CLTCL1: variants seen among roughly 807,000 people sequenced by gnomAD.
CLTCL1 encodes the protein clathrin heavy chain like 1.
CLTCL1 carries 159 observed loss-of-function variants against 190.0 expected under a neutral mutation model. That is an observed-to-expected ratio of 0.84 (90% CI 0.74 to 0.95). The LOEUF (loss-of-function observed/expected upper bound fraction) is 0.95, where lower values mean the gene tolerates loss of function less well. Among genes scored for constraint, CLTCL1 ranks in the 40% least tolerant of loss-of-function variants. The pLI is 0.00. For synonymous variants in CLTCL1, 752 were observed against 769.6 expected (o/e 0.98, Z 0.38); for missense variants, 1,878 against 2,033.4 (o/e 0.92, Z 1.47).
At chr22:19,260,433 T>C (rs1395185566) in intron 2 of CLTCL1, among the ~76,000 whole-genome samples, 1 of 148,454 alleles carries the variant, frequency 6.7e-6, no homozygotes, top group Non-Finnish European at 1.5e-5. Flanking sequence ...TAACTTTAAA[T>C]GGAAGGAATG....
intron 2 of CLTCL1, among the ~76,000 whole-genome samples, chr22:19,274,117 C>T (rs2087417666): frequency 6.6e-6 from 1 of 152,140 alleles, no homozygotes. Flanking sequence ...GCTGAAAACA[C>T]TAAACAGCAA....
chr22:19,180,131 G>A, intron 32 of CLTCL1, 68 bp downstream of exon 32: 1 of 1,391,828 alleles, frequency 7.2e-7, no homozygotes, highest in Non-Finnish European at 1.0e-6. Context: ...CAGAGGCAAG[G>A]AGCGTGGGGT....
At chr22:19,270,888 CA>C (rs2087294223) in intron 2 of CLTCL1, among the ~76,000 whole-genome samples, 2 of 152,020 alleles carry the variant, frequency 1.3e-5, no homozygotes, top group East Asian at 3.9e-4. Flanking sequence ...CCTTAGATCA[CA>C]GAGGAAATTT....
Position 19,180,745 on chromosome 22 carries a change from GCAGGCTCTGT to G in CLTCL1, c.4879_4888del (p.Thr1627ProfsTer63), listed in dbSNP as rs1288998509. The G allele has an allele frequency of 1.9e-6, 3 of 1,613,644 alleles. No homozygotes were observed. The highest frequency in any genetic ancestry group is 2.5e-6 in the Non-Finnish European group (3 of 1,179,814). ...GTGCCACCTACCAAACACGAGAGGG[GCAGGCTCTGT>G]CACATGCTCCTCTTGCTTGCGCAGA... On this transcript the variant is annotated frameshift_variant, in exon 31 of 33. Coordinates refer to ENST00000427926, the MANE Select transcript of CLTCL1 (RefSeq NM_007098.4). LOFTEE classifies it high-confidence loss of function.
At chr22:19,237,490 A>T (rs2086116654) in intron 5 of CLTCL1, among the ~76,000 whole-genome samples, 1 of 152,216 alleles carries the variant, frequency 6.6e-6, no homozygotes, top group South Asian at 2.1e-4. Context: ...TGAACTGGCC[A>T]GCATGGTCAG....
At chr22:19,270,841 C>T (rs79406723) in intron 2 of CLTCL1, among the ~76,000 whole-genome samples, 11,354 of 150,478 alleles carry the variant, frequency 0.075, 552 homozygotes, top group East Asian at 0.14. Context: ...CTTGGTGGTA[C>T]GCTGTCAGGA....
intron 24 of CLTCL1, 123 bp from the exon 25 acceptor site, chr22:19,196,779 G>T (rs1440810377): frequency 8.8e-6 from 10 of 1,136,722 alleles, no homozygotes; most frequent in Non-Finnish European, 1.2e-5. Context: ...GGAGGCATGT[G>T]TGAAGAAAAC....
At chr22:19,290,604 C>T (rs1225415494) in intron 1 of CLTCL1, among the ~76,000 whole-genome samples, 1 of 152,154 alleles carries the variant, frequency 6.6e-6, no homozygotes, top group African/African-American at 2.4e-5. Context: ...TATCAAGTTT[C>T]CAGTCTGCAG....
rs374875733 is a variant in CLTCL1, at chr22:19,230,097, G to GTTTTTTTTTTTTTT, written c.1645-123_1645-122insAAAAAAAAAAAAAA. 16 of 530,318 alleles carry GTTTTTTTTTTTTTT rather than the reference G, an allele frequency of 3.0e-5. 8 individuals are homozygous for GTTTTTTTTTTTTTT. Among genetic ancestry groups the GTTTTTTTTTTTTTT allele is most frequent in the Non-Finnish European group, 2.8e-5 (10 of 361,860 alleles). The allele number at this position is 530,318 out of a possible 1,614,324, so 32.9% of individuals were successfully genotyped here. ...AATTCAGCAATTAGTTCCCTCCCTTGGTTTTTTTTTTTTTTTTGAGATGGA... is the reference window on the plus strand; with the variant it reads ...AATTCAGCAATTAGTTCCCTCCCTTGTTTTTTTTTTTTTTGTTTTTTTTTTTTTTTTGAGATGGA... On this transcript the variant is annotated intron_variant, in intron 10 of 32. Coordinates refer to ENST00000427926, the MANE Select transcript of CLTCL1 (RefSeq NM_007098.4).
At chr22:19,247,398 C>G (rs1309417753) in intron 3 of CLTCL1, among the ~76,000 whole-genome samples, 1 of 152,162 alleles carries the variant, frequency 6.6e-6, no homozygotes, top group Non-Finnish European at 1.5e-5. Flanking sequence ...TTGGTAAATG[C>G]ATGGGATTTT....
chr22:19,251,726 G>T (rs1191382782), intron 3 of CLTCL1, among the ~76,000 whole-genome samples: 3 of 152,218 alleles, frequency 2.0e-5, no homozygotes, highest in African/African-American at 7.2e-5. Context: ...AAAGTGCTGG[G>T]ATTACAGGCG....
At chr22:19,239,943 T>A (rs975886032) in intron 4 of CLTCL1, among the ~76,000 whole-genome samples, 3 of 150,626 alleles carry the variant, frequency 2.0e-5, no homozygotes, top group African/African-American at 7.3e-5. Flanking sequence ...AACTTTCTTT[T>A]TCTTCTTTTT....
At chr22:19,221,290 C>G in intron 17 of CLTCL1, 87 bp downstream of exon 17, 1 of 996,928 alleles carries the variant, frequency 1.0e-6, no homozygotes, top group Non-Finnish European at 1.5e-6. Context: ...GCACAGAAAG[C>G]CCTGATCAGC....
intron 2 of CLTCL1, among the ~76,000 whole-genome samples, chr22:19,270,037 T>G (rs1219539276): frequency 6.6e-6 from 1 of 151,356 alleles, no homozygotes; most frequent in Non-Finnish European, 1.5e-5. Context: ...AGCAGCAATA[T>G]TCTTAATAGC....
At position 19,229,847 on chromosome 22, in the gene CLTCL1, A is replaced by G; in HGVS notation, c.1773T>C (p.His591=). Residue 591 remains histidine, a synonymous_variant, in exon 11 of 33, where the codon CAT becomes CAC. Transcript: ENST00000427926. The part of the protein sequence containing the change: ...QTWLLEMNLV[H]APQVADAILG... ...CCTACAAGTCACTGACCTGGGGTGC[A>G]TGAACAAGGTTCATCTCCAACAGCC... 7 of 1,609,178 alleles carry G rather than the reference A, an allele frequency of 4.4e-6. No individual in the cohort carries two copies. The highest frequency in any genetic ancestry group is 5.1e-6 in the Non-Finnish European group (6 of 1,178,202).
chr22:19,247,541 G>T (rs1479158011), intron 3 of CLTCL1, among the ~76,000 whole-genome samples: 1 of 151,930 alleles, frequency 6.6e-6, no homozygotes, highest in East Asian at 1.9e-4. Flanking sequence ...TTATTTTGTT[G>T]TTGTTGTTGT....
At chr22:19,251,029 A>G (rs1439544166) in intron 3 of CLTCL1, among the ~76,000 whole-genome samples, 4 of 152,154 alleles carry the variant, frequency 2.6e-5, no homozygotes, top group African/African-American at 9.7e-5. Flanking sequence ...TGGTATTCCA[A>G]TAGAGATTAT....
chr22:19,229,952 G>A lies in CLTCL1; in HGVS notation c.1668C>T (p.Asn556=), dbSNP rs782148373. 4.4e-6 allele frequency: 7 copies of A among 1,607,734 alleles called. No homozygotes were observed. The African/African-American group carries it at 9.4e-5, about 22-fold the overall frequency. Reference sequence around the variant, plus strand: ...AGGAAGTACACTGCTGAATTAAACTGTTTTCCATGAAAATGTCCACAATCT... The same window carrying A: ...AGGAAGTACACTGCTGAATTAAACTATTTTCCATGAAAATGTCCACAATCT... ...ISQIVDIFME[N]SLIQQCTSFL... is the part of the protein sequence containing the mutation. The change falls in exon 11 of 33, where the codon AAC becomes AAT. Residue 556 remains asparagine (N), a synonymous_variant. Coordinates refer to ENST00000427926, the MANE Select transcript of CLTCL1 (RefSeq NM_007098.4).
intron 6 of CLTCL1, 65 bp from the exon 7 acceptor site, chr22:19,234,771 G>A (rs781873178): frequency 2.9e-6 from 4 of 1,370,826 alleles, no homozygotes; most frequent in Non-Finnish European, 4.1e-6. Context: ...CCTCTGCCAT[G>A]TTCCCTTCCG....
Sources: gnomAD v4.1 joint callset for allele counts (sites outside exome capture counted in the v4.1 genomes callset) on GRCh38, gnomAD v4.1.1 for gene constraint, MANE v1.5 for transcripts, NCBI Gene and HGNC (gene_info 2026-07-23, HGNC 2026-07-21) for gene names.